The following ELMO1 variants were observed in gnomAD, a reference collection of about 807,000 sequenced individuals.
ELMO1 encodes engulfment and cell motility 1.
ELMO1 carries 26 observed loss-of-function variants against 98.9 expected under a neutral mutation model. The observed-to-expected ratio is 0.26, with a 90% CI of 0.19 to 0.36. The LOEUF (loss-of-function observed/expected upper bound fraction) is 0.36, where lower values mean the gene tolerates loss of function less well. ELMO1 is among the 10% of genes least tolerant of loss of function. ELMO1 has a pLI of 1.00. For missense variants in ELMO1, 627 were observed against 935.2 expected, an observed-to-expected ratio of 0.67 and a Z score of 4.30; for synonymous variants, 346 against 346.0, an observed-to-expected ratio of 1.00 and a Z score of 0.00.
chr7:37,276,642 G>A (rs985839108), intron 4 of ELMO1, among the ~76,000 whole-genome samples: 1 of 152,080 alleles, frequency 6.6e-6, no homozygotes, highest in South Asian at 2.1e-4. Flanking sequence ...CACATAAAAA[G>A]CACACTGCTA....
At chr7:37,321,716 CAAAAAAAAAAA>C (rs565421716) in intron 2 of ELMO1, among the ~76,000 whole-genome samples, 1 of 66,104 alleles carries the variant, frequency 1.5e-5, no homozygotes, top group Non-Finnish European at 2.7e-5. Flanking sequence ...GACTCCGTCT[CAAAAAAAAAAA>C]AAAAAAAAAA....
chr7:37,203,769 G>A (rs1044684752), intron 13 of ELMO1, among the ~76,000 whole-genome samples: 6 of 151,864 alleles, frequency 4.0e-5, no homozygotes, highest in Non-Finnish European at 8.8e-5. Context: ...GGGCGAGTCT[G>A]CTTGGACGAC....
chr7:36,936,343 A>T (rs894890010), intron 16 of ELMO1, among the ~76,000 whole-genome samples: 2 of 152,288 alleles, frequency 1.3e-5, no homozygotes, highest in Admixed American at 1.3e-4. Flanking sequence ...CAGAGGAGGG[A>T]AGAGCCCAGG....
intron 4 of ELMO1, among the ~76,000 whole-genome samples, chr7:37,313,775 T>C (rs1799010430): frequency 6.6e-6 from 1 of 152,076 alleles, no homozygotes; most frequent in Non-Finnish European, 1.5e-5. Flanking sequence ...ACCTGATTCA[T>C]GGATAAAATT....
chr7:36,966,082 T>C (rs1014739817), intron 16 of ELMO1, among the ~76,000 whole-genome samples: 5 of 152,194 alleles, frequency 3.3e-5, no homozygotes, highest in African/African-American at 1.2e-4. Flanking sequence ...CTTGGTGTAA[T>C]AGAGCCATAT....
At chr7:37,127,065 C>A (rs550570210) in intron 14 of ELMO1, among the ~76,000 whole-genome samples, 3 of 152,144 alleles carry the variant, frequency 2.0e-5, no homozygotes, top group Non-Finnish European at 4.4e-5. Flanking sequence ...ACTGTAATGC[C>A]AAGAGGGGTC....
At chr7:37,111,446 C>A (rs926968812) in intron 14 of ELMO1, among the ~76,000 whole-genome samples, 1 of 152,230 alleles carries the variant, frequency 6.6e-6, no homozygotes, top group African/African-American at 2.4e-5. Context: ...AGCTTGAAAT[C>A]GGCCACAGCA....
At chr7:37,331,298 T>G (rs184821698) in intron 2 of ELMO1, among the ~76,000 whole-genome samples, 5 of 148,430 alleles carry the variant, frequency 3.4e-5, no homozygotes, top group African/African-American at 1.2e-4. Flanking sequence ...GCCTCCCGAG[T>G]AGCTGGGACT....
chr7:37,058,963 A>G (rs528780259), intron 15 of ELMO1, among the ~76,000 whole-genome samples: 13 of 152,296 alleles, frequency 8.5e-5, no homozygotes, highest in African/African-American at 3.1e-4. Context: ...GGAAGGGTCT[A>G]TACCCATTAG....
At chr7:37,109,520 G>GCC (rs1785124861) in intron 14 of ELMO1, among the ~76,000 whole-genome samples, 1 of 151,956 alleles carries the variant, frequency 6.6e-6, no homozygotes, top group South Asian at 2.1e-4. Flanking sequence ...CTCCTCCGCC[G>GCC]CCCCCCTCCC....
At chr7:37,364,683 T>C (rs555922220) in intron 1 of ELMO1, among the ~76,000 whole-genome samples, 1 of 152,192 alleles carries the variant, frequency 6.6e-6, no homozygotes, top group South Asian at 2.1e-4. Flanking sequence ...ATTTTAAAAT[T>C]TGGCAAGTTT....
chr7:36,937,411 G>A (rs1023535953), intron 16 of ELMO1, among the ~76,000 whole-genome samples: 1 of 152,218 alleles, frequency 6.6e-6, no homozygotes, highest in African/African-American at 2.4e-5. Flanking sequence ...TGAAAGGCAA[G>A]GAGAGATTCC....
chr7:37,445,943 T>C (rs1217362231), intron 1 of ELMO1, among the ~76,000 whole-genome samples: 3 of 152,228 alleles, frequency 2.0e-5, no homozygotes, highest in Non-Finnish European at 1.5e-5. Context: ...GGAATGGTTA[T>C]GTGTCATTAA....
At chr7:36,919,430 G>C (rs778862186) in intron 16 of ELMO1, 18 of 526,368 alleles carry the variant, frequency 3.4e-5, no homozygotes, top group Middle Eastern at 3.2e-4. Flanking sequence ...AGGAGAAGTA[G>C]CATAGTAAAC....
At chr7:37,113,413 C>G (rs551554817) in intron 14 of ELMO1, among the ~76,000 whole-genome samples, 1 of 152,238 alleles carries the variant, frequency 6.6e-6, no homozygotes, top group South Asian at 2.1e-4. Context: ...ATGTAAGAAA[C>G]ATTAAATTTT....
At chr7:37,350,301 A>G (rs1189291279) in intron 1 of ELMO1, among the ~76,000 whole-genome samples, 2 of 152,244 alleles carry the variant, frequency 1.3e-5, no homozygotes, top group Non-Finnish European at 2.9e-5. Context: ...TGCTAATCTC[A>G]GCAACAATTC....
intron 19 of ELMO1, among the ~76,000 whole-genome samples, chr7:36,871,199 G>C (rs1803472036): frequency 6.6e-6 from 1 of 152,204 alleles, no homozygotes; most frequent in Non-Finnish European, 1.5e-5. Flanking sequence ...GATAAGAAAA[G>C]ATATGGAAGG....
chr7:37,037,036 G>T (rs1795211517), intron 15 of ELMO1, among the ~76,000 whole-genome samples: 1 of 151,910 alleles, frequency 6.6e-6, no homozygotes, highest in Non-Finnish European at 1.5e-5. Flanking sequence ...ATAATGAGAA[G>T]GAAAGAGAAA....
chr7:37,443,880 T>C (rs541608230), intron 1 of ELMO1, among the ~76,000 whole-genome samples: 1 of 152,132 alleles, frequency 6.6e-6, no homozygotes, highest in African/African-American at 2.4e-5. Flanking sequence ...TCATGATCCT[T>C]TTATTATGGA....
Sources: allele counts gnomAD v4.1 joint callset (sites outside exome capture counted in the v4.1 genomes callset), GRCh38; gene constraint gnomAD v4.1.1; transcripts MANE v1.5; gene names NCBI Gene and HGNC (gene_info 2026-07-23, HGNC 2026-07-21).